The following DPYD variants were observed in gnomAD, a reference collection of about 807,000 sequenced individuals.
DPYD encodes the protein dihydropyrimidine dehydrogenase [NADP(+)].
Under a neutral mutation model 116.2 loss-of-function variants are expected in DPYD, and 109 were observed. The ratio of observed to expected loss-of-function variants is 0.94; its 90% CI spans 0.80 to 1.10. The LOEUF is 1.10. Ranked by LOEUF, DPYD falls within the 50% of genes least tolerant of loss-of-function variation. DPYD has a pLI of 0.00. For missense variants in DPYD, 1,302 were observed against 1,254.5 expected (o/e 1.04, Z -0.57); for synonymous variants, 440 against 432.0 (o/e 1.02, Z -0.23).
intron 4 of DPYD, among the ~76,000 whole-genome samples, chr1:97,729,316 C>T (rs927125877): frequency 4.6e-5 from 7 of 152,024 alleles, no homozygotes; most frequent in African/African-American, 1.4e-4. Context: ...CTCTCAGCCT[C>T]GGTTTCATCA....
chr1:97,082,681 T>A (rs1557852137), intron 21 of DPYD, among the ~76,000 whole-genome samples: 1 of 152,148 alleles, frequency 6.6e-6, no homozygotes, highest in Non-Finnish European at 1.5e-5. Flanking sequence ...ATGCCTGGCT[T>A]AGAAATACGA....
At chr1:97,657,365 C>T (rs1658987276) in intron 8 of DPYD, among the ~76,000 whole-genome samples, 1 of 152,124 alleles carries the variant, frequency 6.6e-6, no homozygotes, top group Admixed American at 6.5e-5. Context: ...TATTTATTCA[C>T]TAAAAATTAT....
At chr1:97,782,848 C>T (rs1339169441) in intron 3 of DPYD, among the ~76,000 whole-genome samples, 1 of 152,122 alleles carries the variant, frequency 6.6e-6, no homozygotes, top group African/African-American at 2.4e-5. Flanking sequence ...GGAGTCAGGA[C>T]TGAGAAAGTA....
intron 18 of DPYD, among the ~76,000 whole-genome samples, chr1:97,250,845 T>C (rs1663037945): frequency 6.6e-6 from 1 of 152,202 alleles, no homozygotes. Flanking sequence ...TTGTTTCAGA[T>C]TGTGTTACTA....
At chr1:97,568,521 G>A (rs1652685881) in intron 11 of DPYD, among the ~76,000 whole-genome samples, 1 of 151,900 alleles carries the variant, frequency 6.6e-6, no homozygotes, top group Non-Finnish European at 1.5e-5. Flanking sequence ...TTAGAAGGAG[G>A]ACAGCCAGGT....
chr1:97,341,787 A>T (rs1431740589), intron 16 of DPYD, among the ~76,000 whole-genome samples: 1 of 152,160 alleles, frequency 6.6e-6, no homozygotes, highest in African/African-American at 2.4e-5. Flanking sequence ...GTAGCTGCAG[A>T]ATCAAGTCTT....
At chr1:97,916,336 G>A (rs920086439) in intron 1 of DPYD, among the ~76,000 whole-genome samples, 3 of 151,822 alleles carry the variant, frequency 2.0e-5, no homozygotes, top group Non-Finnish European at 1.5e-5. Context: ...CCCTCCTCCC[G>A]ACCCCACAAC....
chr1:97,341,470 A>G (rs149024494), intron 16 of DPYD, among the ~76,000 whole-genome samples: 2 of 152,280 alleles, frequency 1.3e-5, no homozygotes, highest in African/African-American at 4.8e-5. Flanking sequence ...TGAACACAGG[A>G]TATACATAGG....
At chr1:97,893,521 C>A (rs1484204197) in intron 1 of DPYD, among the ~76,000 whole-genome samples, 1 of 143,088 alleles carries the variant, frequency 7.0e-6, no homozygotes, top group Non-Finnish European at 1.5e-5. Context: ...GGTCTTTGGT[C>A]CCAACATGTT....
At chr1:97,173,487 TAC>T (rs1022461047) in intron 20 of DPYD, among the ~76,000 whole-genome samples, 2 of 150,774 alleles carry the variant, frequency 1.3e-5, no homozygotes, top group African/African-American at 4.9e-5. Flanking sequence ...TGTATATATA[TAC>T]ACGCATATAT....
intron 12 of DPYD, among the ~76,000 whole-genome samples, chr1:97,522,435 C>T (rs997224894): frequency 3.9e-5 from 6 of 151,976 alleles, no homozygotes; most frequent in Non-Finnish European, 5.9e-5. Context: ...TAAAAATATG[C>T]ATGTATGTCG....
intron 20 of DPYD, among the ~76,000 whole-genome samples, chr1:97,174,236 G>C (rs992733314): frequency 6.6e-6 from 1 of 152,128 alleles, no homozygotes; most frequent in Non-Finnish European, 1.5e-5. Flanking sequence ...CTCAGGCAAG[G>C]CCAGCTTTTG....
chr1:97,787,332 C>T (rs1667094878), intron 3 of DPYD, among the ~76,000 whole-genome samples: 1 of 152,046 alleles, frequency 6.6e-6, no homozygotes, highest in African/African-American at 2.4e-5. Flanking sequence ...TGAAATAGAT[C>T]ATAATGAAAA....
At chr1:97,921,034 T>TA (rs2101728599), upstream of DPYD, 1 of 1,363,068 alleles carries the variant, frequency 7.3e-7, no homozygotes, top group East Asian at 2.7e-5. Context: ...ACAGGCAGAC[T>TA]AGGGCCGGCG....
rs763718987 is a variant in DPYD at position 97,193,237 on chromosome 1, G to T, written c.2454C>A (p.Ala818=). The T allele has an allele frequency of 2.5e-6, 4 of 1,613,362 alleles. No individual in the cohort carries two copies. The highest frequency in any genetic ancestry group is 3.4e-6 in the Non-Finnish European group (4 of 1,179,766). The change falls in exon 20 of 23, where the codon GCC becomes GCA. Residue 818 remains alanine (A), a synonymous_variant. Transcript: ENST00000370192. ...TCACAGTGAAATCCTGATTCTGAATGGCACTGCATACCTAGAAAAGACAGA... is the reference window on the plus strand; with the variant it reads ...TCACAGTGAAATCCTGATTCTGAATTGCACTGCATACCTAGAAAAGACAGA... ...SGASVLQVCS[A]IQNQDFTVIE... is the part of the protein sequence containing the mutation.
At chr1:97,269,721 C>T (rs1156989274) in intron 18 of DPYD, among the ~76,000 whole-genome samples, 4 of 152,100 alleles carry the variant, frequency 2.6e-5, no homozygotes, top group Non-Finnish European at 5.9e-5. Flanking sequence ...ATCTCTTCCT[C>T]TTCTTATAAA....
chr1:97,847,683 C>T (rs1359571431), intron 2 of DPYD, among the ~76,000 whole-genome samples: 1 of 152,046 alleles, frequency 6.6e-6, no homozygotes, highest in East Asian at 1.9e-4. Flanking sequence ...TAGTGTATGA[C>T]ATTAATCAGG....
chr1:97,804,199 G>A (rs1667972481), intron 3 of DPYD, among the ~76,000 whole-genome samples: 1 of 151,526 alleles, frequency 6.6e-6, no homozygotes, highest in African/African-American at 2.4e-5. Flanking sequence ...CCTATGTAGT[G>A]GGATATAATA....
intron 1 of DPYD, among the ~76,000 whole-genome samples, chr1:97,888,319 C>A (rs1380234391): frequency 6.6e-6 from 1 of 151,512 alleles, no homozygotes; most frequent in Non-Finnish European, 1.5e-5. Context: ...AATCAGAAGA[C>A]CAAAGAGAAA....
Sources: allele counts gnomAD v4.1 joint callset (sites outside exome capture counted in the v4.1 genomes callset), GRCh38; gene constraint gnomAD v4.1.1; transcripts MANE v1.5; gene names NCBI Gene and HGNC (gene_info 2026-07-23, HGNC 2026-07-21).